The following DNA2 variants were observed in gnomAD, a reference collection of about 807,000 sequenced individuals.
DNA2 encodes DNA replication ATP-dependent helicase/nuclease DNA2.
In DNA2, 101 loss-of-function variants were observed where a neutral mutation model predicts 119.1. The observed-to-expected ratio is 0.85, with a 90% CI of 0.72 to 1.00. The LOEUF is 1.00. Ranked by LOEUF, DNA2 falls within the 50% of genes least tolerant of loss-of-function variation. The pLI is 0.00. For missense variants in DNA2, 1,121 were observed against 1,255.5 expected (o/e 0.89, Z 1.62); for synonymous variants, 366 against 424.4 (o/e 0.86, Z 1.69).
At chr10:68,449,877 C>G in intron 6 of DNA2, 151 bp downstream of exon 6, 1 of 605,902 alleles carries the variant, frequency 1.7e-6, no homozygotes, top group Non-Finnish European at 2.9e-6. Flanking sequence ...CACACCATTG[C>G]ACTCCAGCCT....
chr10:68,432,926 G>A (rs577566589), intron 10 of DNA2, among the ~76,000 whole-genome samples: 1 of 152,096 alleles, frequency 6.6e-6, no homozygotes, highest in African/African-American at 2.4e-5. Flanking sequence ...TCCCTTCCCT[G>A]GTTCATTGTA....
intron 15 of DNA2, 34 bp from the exon 16 acceptor site, chr10:68,422,638 A>C: frequency 6.2e-7 from 1 of 1,613,002 alleles, no homozygotes; most frequent in Non-Finnish European, 8.5e-7. Context: ...TTATCAGTGT[A>C]CTAAATCTGT....
intron 4 of DNA2, 39 bp from the exon 5 acceptor site, chr10:68,459,274 C>T (rs902395225): frequency 1.8e-5 from 26 of 1,470,952 alleles, no homozygotes; most frequent in Non-Finnish European, 2.3e-5. Flanking sequence ...TAGACTTAAG[C>T]GGTACCTGCC....
chr10:68,418,669 A>ATTTTTT (rs34507769), intron 19 of DNA2, among the ~76,000 whole-genome samples: 3 of 113,844 alleles, frequency 2.6e-5, no homozygotes, highest in African/African-American at 3.7e-5. Flanking sequence ...TTAAACCGCA[A>ATTTTTT]TTTTTTTTTT....
chr10:68,432,467 G>T lies in DNA2; in HGVS notation c.1690C>A (p.Gln564Lys). The change falls in exon 11 of 21, where the codon CAA becomes AAA. Residue 564 changes from glutamine to lysine, a missense_variant. By Grantham distance (53) the Gln-to-Lys change is moderately conservative. Transcript: ENST00000358410. ...TCTATATCACAATTTTTTTCTTCTT[G>T]GTCTAATCTGAACAAAGTTGATTCT... ...LPESTLFRLD[Q>K]EEKNCDIDTP... is the part of the protein sequence containing the mutation. 6.3e-7 allele frequency: 1 copy of T among 1,578,414 alleles called. No individual in the cohort carries two copies. Among genetic ancestry groups the T allele is most frequent in the Non-Finnish European group, 8.6e-7 (1 of 1,162,578 alleles).
At chr10:68,450,603 T>C (rs761050853) in intron 5 of DNA2, among the ~76,000 whole-genome samples, 6 of 152,204 alleles carry the variant, frequency 3.9e-5, no homozygotes, top group Non-Finnish European at 8.8e-5. Context: ...GTATTTATCA[T>C]CTGTTCCTTT....
intron 19 of DNA2, among the ~76,000 whole-genome samples, chr10:68,418,211 C>T (rs554705245): frequency 2.0e-4 from 31 of 152,086 alleles, no homozygotes; most frequent in African/African-American, 6.7e-4. Flanking sequence ...GTCAGGAGTT[C>T]GAGACCAGCC....
At position 68,465,751 on chromosome 10, in the gene DNA2, T is replaced by C. The variant is rs2052319461; in HGVS notation, c.503A>G (p.Lys168Arg). The C allele has an allele frequency of 1.9e-6, 3 of 1,608,386 alleles. No homozygotes were observed. Among genetic ancestry groups the C allele is most frequent in the African/African-American group, 2.7e-5 (2 of 74,700 alleles). The change falls in exon 4 of 21, where the codon AAA becomes AGA. Residue 168 changes from lysine to arginine, a missense_variant. Physicochemically the swap from Lys to Arg is conservative, Grantham distance 26 (BLOSUM62 2). Coordinates refer to ENST00000358410, the MANE Select transcript of DNA2 (RefSeq NM_001080449.3). ...IGTVLHEVFQ[K>R]AINNSFAPEK... is the part of the protein sequence containing the mutation. ...TGGGGCAAAGCTATTATTTATGGCT[T>C]TTTGAAACACCTCATGGAGAACCGT... is the stretch of plus-strand genomic sequence containing the variant.
At chr10:68,472,336 A>G (rs554087239), upstream of DNA2, among the ~76,000 whole-genome samples, 1 of 152,294 alleles carries the variant, frequency 6.6e-6, no homozygotes, top group South Asian at 2.1e-4. Context: ...AGCCTTCAGA[A>G]TTGTGCACTC....
At position 68,414,951 on chromosome 10, in the gene DNA2, T is replaced by A. The variant is rs2051568899; in HGVS notation, c.*88A>T. 1.2e-6 allele frequency: 1 copy of A among 847,202 alleles called. No individual in the cohort carries two copies. Among genetic ancestry groups the A allele is most frequent in the South Asian group, 2.0e-5 (1 of 50,830 alleles). The allele number at this position is 847,202 out of a possible 1,614,324, so 52.5% of individuals were successfully genotyped here. ...GTGCTTTAAAACATAAATACTGCAT[T>A]AAATTTTGTATGGTGATAGAATTTT... is the stretch of plus-strand genomic sequence containing the variant. On this transcript the variant is annotated 3_prime_UTR_variant, in exon 21 of 21. Coordinates refer to ENST00000358410, the MANE Select transcript of DNA2 (RefSeq NM_001080449.3).
intron 1 of DNA2, 197 bp from the exon 2 acceptor site, chr10:68,470,360 G>A: frequency 3.8e-6 from 2 of 525,052 alleles, no homozygotes; most frequent in Middle Eastern, 4.7e-4. Flanking sequence ...AAACTTCCCA[G>A]AAGTAATGCC....
chr10:68,424,702 C>T, intron 14 of DNA2: 1 of 1,605,684 alleles, frequency 6.2e-7, no homozygotes, highest in Non-Finnish European at 8.5e-7. Context: ...CGCTCCACAC[C>T]CATCCGCAAG....
At chr10:68,467,676 G>C (rs1019484304) in intron 3 of DNA2, among the ~76,000 whole-genome samples, 36 of 151,952 alleles carry the variant, frequency 2.4e-4, no homozygotes, top group African/African-American at 8.2e-4. Flanking sequence ...TCAGCCTCCT[G>C]AGTAGCTGGG....
chr10:68,432,573 T>G, intron 10 of DNA2, 63 bp from the exon 11 acceptor site: 1 of 880,046 alleles, frequency 1.1e-6, no homozygotes, highest in South Asian at 1.6e-5. Flanking sequence ...ATAAGAAATA[T>G]GCTGCTATCT....
At chr10:68,429,807 A>T (rs2051795120) in intron 14 of DNA2, among the ~76,000 whole-genome samples, 1 of 151,370 alleles carries the variant, frequency 6.6e-6, no homozygotes, top group South Asian at 2.1e-4. Flanking sequence ...TAGATTCTAT[A>T]TAAAAGCCTA....
At position 68,459,176 on chromosome 10, in the gene DNA2, G is replaced by A. The variant is rs181526568; in HGVS notation, c.647C>T (p.Ser216Leu). The A allele has an allele frequency of 7.6e-6, 12 of 1,583,140 alleles. No individual in the cohort carries two copies. In the Admixed American group the frequency reaches 9.1e-5, roughly 12 times the overall value. The change falls in exon 5 of 21, where the codon TCG becomes TTG. Residue 216 changes from serine to leucine, a missense_variant. By Grantham distance (145) the Ser-to-Leu change is moderately radical. Transcript: ENST00000358410. ...GAAATCTCCTGCCCATTTACAAAAC[G>A]AAGGAAGATAGTCCTCTACTTCTTG... ...IKQEVEDYLP[S>L]FCKWAGDFMH...
At chr10:68,448,969 G>A (rs1352366965) in intron 6 of DNA2, among the ~76,000 whole-genome samples, 2 of 94,940 alleles carry the variant, frequency 2.1e-5, no homozygotes, top group African/African-American at 1.0e-4. Flanking sequence ...GTGTGTGTGC[G>A]TGTGTGTGTG....
chr10:68,461,768 C>T (rs912662354), intron 4 of DNA2, among the ~76,000 whole-genome samples: 3 of 142,404 alleles, frequency 2.1e-5, no homozygotes, highest in African/African-American at 5.2e-5. Flanking sequence ...GCGGAGGTTT[C>T]GGTGAGCTGA....
At chr10:68,457,060 G>T (rs533078540) in intron 5 of DNA2, among the ~76,000 whole-genome samples, 74 of 151,832 alleles carry the variant, frequency 4.9e-4, no homozygotes, top group Admixed American at 1.3e-3. Flanking sequence ...CGTGAACCCG[G>T]GAGGCGGAGG....
Sources: gnomAD v4.1 joint callset for allele counts (sites outside exome capture counted in the v4.1 genomes callset) on GRCh38, gnomAD v4.1.1 for gene constraint, MANE v1.5 for transcripts, NCBI Gene and HGNC (gene_info 2026-07-23, HGNC 2026-07-21) for gene names.